The following SAMMSON variants were observed in gnomAD, a reference collection of about 807,000 sequenced individuals.
The protein encoded by SAMMSON is long intergenic non-protein coding RNA 1212.
intron 4 of SAMMSON, among the ~76,000 whole-genome samples, chr3:70,182,268 G>A (rs1701059667): frequency 6.6e-6 from 1 of 152,124 alleles, no homozygotes; most frequent in South Asian, 2.1e-4. Context: ...CTTGGCACAG[G>A]TGCAAGAAAG....
intron 2 of SAMMSON, among the ~76,000 whole-genome samples, chr3:70,402,263 A>G (rs1701146590): frequency 3.3e-5 from 5 of 152,186 alleles, no homozygotes. Flanking sequence ...TCTTACTGAA[A>G]CACCATCTGA....
At chr3:70,361,183 T>G (rs1401662326) in intron 9 of SAMMSON, among the ~76,000 whole-genome samples, 2 of 152,132 alleles carry the variant, frequency 1.3e-5, no homozygotes, top group Non-Finnish European at 2.9e-5. Flanking sequence ...ATTTTCTCTT[T>G]GAAAACCCCT....
At chr3:70,316,106 T>C (rs909160011) in intron 7 of SAMMSON, among the ~76,000 whole-genome samples, 1 of 152,112 alleles carries the variant, frequency 6.6e-6, no homozygotes, top group African/African-American at 2.4e-5. Flanking sequence ...CAAAATCTGA[T>C]CCAGAAATAT....
chr3:70,252,406 T>A (rs1701778342), intron 6 of SAMMSON, among the ~76,000 whole-genome samples: 1 of 152,112 alleles, frequency 6.6e-6, no homozygotes, highest in Non-Finnish European at 1.5e-5. Flanking sequence ...GGGGAGTGGG[T>A]CTTAACTGAG....
chr3:70,210,583 T>A (rs964361995), intron 4 of SAMMSON, among the ~76,000 whole-genome samples: 2 of 152,110 alleles, frequency 1.3e-5, no homozygotes, highest in Non-Finnish European at 2.9e-5. Context: ...TAAAGTAGCA[T>A]AAGCTCAAAG....
intron 4 of SAMMSON, among the ~76,000 whole-genome samples, chr3:70,115,938 G>A (rs1246446561): frequency 6.6e-6 from 1 of 152,078 alleles, no homozygotes; most frequent in African/African-American, 2.4e-5. Flanking sequence ...GATATTTATT[G>A]GATGAGAACT....
At chr3:70,105,733 A>T (rs1576123198) in intron 4 of SAMMSON, among the ~76,000 whole-genome samples, 1 of 152,246 alleles carries the variant, frequency 6.6e-6, no homozygotes, top group African/African-American at 2.4e-5. Flanking sequence ...TCAAAAGCTC[A>T]AAAGCCATAA....
chr3:70,106,048 C>G (rs776024470), intron 4 of SAMMSON, among the ~76,000 whole-genome samples: 2 of 152,176 alleles, frequency 1.3e-5, no homozygotes, highest in African/African-American at 4.8e-5. Context: ...ATGCAAGAAA[C>G]AGTGATTTGA....
chr3:70,230,212 C>T (rs971487261), intron 4 of SAMMSON, among the ~76,000 whole-genome samples: 8 of 152,070 alleles, frequency 5.3e-5, no homozygotes, highest in Admixed American at 4.6e-4. Context: ...TGGTAGATAC[C>T]ATAATTTACA....
chr3:70,380,385 T>A, intron 9 of SAMMSON, among the ~76,000 whole-genome samples: 1 of 152,092 alleles, frequency 6.6e-6, no homozygotes, highest in East Asian at 1.9e-4. Flanking sequence ...ACTATTTGAA[T>A]TGGAAATATC....
At chr3:70,185,299 A>C (rs1308451065) in intron 4 of SAMMSON, among the ~76,000 whole-genome samples, 1 of 152,174 alleles carries the variant, frequency 6.6e-6, no homozygotes, top group Non-Finnish European at 1.5e-5. Flanking sequence ...TGGAAATAAG[A>C]AAAAGGCTCA....
chr3:70,214,434 A>G (rs1016634077), intron 4 of SAMMSON, among the ~76,000 whole-genome samples: 1 of 152,104 alleles, frequency 6.6e-6, no homozygotes, highest in African/African-American at 2.4e-5. Flanking sequence ...CTTTTTTAAA[A>G]AGAGAGAAAA....
chr3:70,264,863 A>T (rs572774106), intron 6 of SAMMSON, among the ~76,000 whole-genome samples: 12 of 152,292 alleles, frequency 7.9e-5, no homozygotes, highest in Non-Finnish European at 1.0e-4. Context: ...TAATAAAGAC[A>T]TACCATAGAC....
At chr3:70,025,370 G>T (rs2067033283) in intron 3 of SAMMSON, among the ~76,000 whole-genome samples, 2 of 151,972 alleles carry the variant, frequency 1.3e-5, no homozygotes, top group African/African-American at 4.8e-5. Context: ...TCAGCCTCTT[G>T]AGTAGCTGGG....
At chr3:70,248,877 G>C (rs762813504) in intron 4 of SAMMSON, among the ~76,000 whole-genome samples, 1 of 152,134 alleles carries the variant, frequency 6.6e-6, no homozygotes, top group South Asian at 2.1e-4. Flanking sequence ...CAATTGAAAG[G>C]ACTCACTGGA....
Position 70,353,258 on chromosome 3 carries a change from A to C in SAMMSON, n.740-917A>C, listed in dbSNP as rs189082151. Among the ~76,000 whole-genome samples the C allele has an allele frequency of 5.7e-3, 873 of 152,180 alleles. 8 individuals are homozygous for C. Among genetic ancestry groups the C allele is most frequent in the African/African-American group, 0.019 (810 of 41,578 alleles). The stretch of plus-strand genomic sequence containing the variant: ...ATAATAAAACTTTTCTCTATAAAAG[A>C]AAAAACTTTTCTCATAAAAGAATAA... On this transcript the variant is annotated intron_variant and non_coding_transcript_variant, in intron 7 of 9. Coordinates refer to ENST00000642114, the Ensembl canonical transcript of SAMMSON.
chr3:70,280,828 G>A, intron 6 of SAMMSON, among the ~76,000 whole-genome samples: 1 of 152,122 alleles, frequency 6.6e-6, no homozygotes, highest in East Asian at 1.9e-4. Flanking sequence ...CCATCCCAGA[G>A]ACGGTACTGC....
intron 4 of SAMMSON, among the ~76,000 whole-genome samples, chr3:70,218,677 G>C (rs1449450355): frequency 3.9e-5 from 6 of 152,008 alleles, no homozygotes; most frequent in Non-Finnish European, 7.4e-5. Context: ...TTCCTGACAA[G>C]GATGTGCAGA....
At chr3:70,004,021 T>C in intron 1 of SAMMSON, among the ~76,000 whole-genome samples, 1 of 152,096 alleles carries the variant, frequency 6.6e-6, no homozygotes, top group Admixed American at 6.6e-5. Flanking sequence ...TTCTTTTTTC[T>C]TTCTGTTTCT....
Sources: allele counts gnomAD v4.1 joint callset (sites outside exome capture counted in the v4.1 genomes callset), GRCh38; gene constraint gnomAD v4.1.1; transcripts MANE v1.5; gene names NCBI Gene and HGNC (gene_info 2026-07-23, HGNC 2026-07-21).